Variants in MDM4 observed in about 807,000 individuals in gnomAD.
MDM4 encodes MDM4 regulator of p53, also known as protein Mdm4.
Under a neutral mutation model 60.2 loss-of-function variants are expected in MDM4, and 2 were observed. The ratio of observed to expected loss-of-function variants is 0.03; its 90% CI spans 0.01 to 0.10. MDM4 has a LOEUF of 0.10. Ranked by LOEUF, MDM4 falls within the 10% of genes least tolerant of loss-of-function variation. The pLI is 1.00. For synonymous variants in MDM4, 202 were observed against 198.1 expected, an observed-to-expected ratio of 1.02 and a Z score of -0.17; for missense variants, 447 against 577.5, an observed-to-expected ratio of 0.77 and a Z score of 2.32.
intron 1 of MDM4, among the ~76,000 whole-genome samples, chr1:204,518,531 G>C (rs1659224429): frequency 6.6e-6 from 1 of 152,172 alleles, no homozygotes; most frequent in Non-Finnish European, 1.5e-5. Context: ...CTTTTGGTCA[G>C]GAATACTTAA....
In MDM4 at chr1:204,554,271, T is replaced by A. The variant is rs573568902; in HGVS notation, c.*4589T>A. ...TTTGAGTTTTTTCCCCTCAGAATTA[T>A]GTGAATTTCTGATATATGGCTTTAG... On this transcript the variant is annotated 3_prime_UTR_variant, in exon 11 of 11. Transcript: ENST00000367182. The A allele has an allele frequency of 4.4e-6, 1 of 225,382 alleles. No individual in the cohort carries two copies. Among genetic ancestry groups the A allele is most frequent in the Middle Eastern group, 1.4e-3 (1 of 724 alleles). The allele number at this position is 225,382 out of a possible 1,614,324, so 14.0% of individuals were successfully genotyped here.
intron 9 of MDM4, 23 bp downstream of exon 9, chr1:204,544,707 GTTGA>G (rs1484859972): frequency 6.3e-7 from 1 of 1,598,556 alleles, no homozygotes; most frequent in Non-Finnish European, 8.6e-7. Context: ...AAAATTCCAT[GTTGA>G]TTCTGTTTGT....
At chr1:204,530,193 A>G (rs1327298339) in intron 3 of MDM4, among the ~76,000 whole-genome samples, 1 of 152,146 alleles carries the variant, frequency 6.6e-6, no homozygotes, top group Non-Finnish European at 1.5e-5. Flanking sequence ...TATTTGATAA[A>G]CACTTGGATT....
In MDM4 at chr1:204,538,414, T is replaced by C. The variant is rs527949029; in HGVS notation, c.511+106T>C. ...AGTAGGAGAGGGATATGTCACAATT[T>C]CTCATCCTTTTCTGAAAACCTTTTT... On this transcript the variant is annotated intron_variant, in intron 7 of 10. Coordinates refer to ENST00000367182, the MANE Select transcript of MDM4 (RefSeq NM_002393.5). 4 of 674,866 alleles carry C rather than the reference T, an allele frequency of 5.9e-6. No homozygotes were observed. The South Asian group carries it at 7.2e-5, about 12-fold the overall frequency. The allele number at this position is 674,866 out of a possible 1,614,324, so 41.8% of individuals were successfully genotyped here. A position where few individuals can be genotyped will look rare whatever the true frequency, so the allele number is the denominator to read the frequency against.
At position 204,548,185 on chromosome 1, in the gene MDM4, T is replaced by C. The variant is rs376723842; in HGVS notation, c.904-928T>C. On this transcript the variant is annotated intron_variant, in intron 10 of 10. Transcript: ENST00000367182. Reference sequence around the variant, plus strand: ...ATGCCAATTAAACTGTGGCACACCATCACTCATGAATTCCAAATCTTTATG... The same window carrying C: ...ATGCCAATTAAACTGTGGCACACCACCACTCATGAATTCCAAATCTTTATG... 1.9e-4 allele frequency among the ~76,000 whole-genome samples: 29 copies of C among 152,380 alleles called. No individual in the cohort carries two copies. In the East Asian group the frequency reaches 4.4e-3, roughly 23 times the overall value.
Position 204,556,934 on chromosome 1 carries a change from C to T in MDM4, c.*7252C>T. ...ACTTTCTTTAGTCTCTAGCTATGCACTATTAAGTGCCTCTTGGGTAGAGGT... is the reference window on the plus strand; with the variant it reads ...ACTTTCTTTAGTCTCTAGCTATGCATTATTAAGTGCCTCTTGGGTAGAGGT... On this transcript the variant is annotated 3_prime_UTR_variant, in exon 11 of 11. Coordinates refer to ENST00000367182, the MANE Select transcript of MDM4 (RefSeq NM_002393.5). 4.8e-6 allele frequency: 1 copy of T among 208,518 alleles called. No individual in the cohort carries two copies. The highest frequency in any genetic ancestry group is 9.8e-6 in the Non-Finnish European group (1 of 102,420). The allele number at this position is 208,518 out of a possible 1,614,324, so 12.9% of individuals were successfully genotyped here.
At chr1:204,535,838 G>A (rs1317460616) in intron 5 of MDM4, among the ~76,000 whole-genome samples, 1 of 152,062 alleles carries the variant, frequency 6.6e-6, no homozygotes, top group African/African-American at 2.4e-5. Flanking sequence ...ACCACACCCG[G>A]CTAATTTTAA....
chr1:204,530,963 G>A, intron 4 of MDM4, 146 bp downstream of exon 4: 1 of 997,588 alleles, frequency 1.0e-6, no homozygotes, highest in Non-Finnish European at 1.5e-6. Context: ...TGAGAATATG[G>A]TAATGAGCGA....
intron 5 of MDM4, among the ~76,000 whole-genome samples, chr1:204,533,213 G>A (rs1014756587): frequency 6.6e-6 from 1 of 152,136 alleles, no homozygotes; most frequent in African/African-American, 2.4e-5. Flanking sequence ...CCAAAATGGT[G>A]GTCTGTAAGA....
chr1:204,532,139 T>A (rs1016310642), intron 4 of MDM4, 52 bp from the exon 5 acceptor site: 1 of 1,072,486 alleles, frequency 9.3e-7, no homozygotes, highest in Non-Finnish European at 1.4e-6. Context: ...ACCACTGATA[T>A]CTTCATAGTG....
At chr1:204,521,795 T>C (rs1417659716) in intron 1 of MDM4, among the ~76,000 whole-genome samples, 1 of 152,168 alleles carries the variant, frequency 6.6e-6, no homozygotes, top group Non-Finnish European at 1.5e-5. Context: ...ATTTAGACAC[T>C]GGAAATGTAT....
At chr1:204,521,809 T>A (rs568995142) in intron 1 of MDM4, among the ~76,000 whole-genome samples, 166 of 152,314 alleles carry the variant, frequency 1.1e-3, no homozygotes, top group South Asian at 2.1e-3. Flanking sequence ...AATGTATAAA[T>A]AGACAGTTAC....
Position 204,557,065 on chromosome 1 carries a change from A to G in MDM4, c.*7383A>G. ...CCTTTTCTACCTCATCATTTGTTGT[A>G]GGGATTAAATCCGGGAGAGCAATTC... On this transcript the variant is annotated 3_prime_UTR_variant, in exon 11 of 11. Coordinates refer to ENST00000367182, the MANE Select transcript of MDM4 (RefSeq NM_002393.5). 5.0e-6 allele frequency: 1 copy of G among 200,738 alleles called. No homozygotes were observed. Among genetic ancestry groups the G allele is most frequent in the Non-Finnish European group, 1.0e-5 (1 of 97,288 alleles). 12.4% of individuals were successfully genotyped at this position (200,738 alleles called of 1,614,324 possible).
intron 3 of MDM4, among the ~76,000 whole-genome samples, chr1:204,526,835 A>G (rs1660231584): frequency 6.6e-6 from 1 of 152,196 alleles, no homozygotes; most frequent in African/African-American, 2.4e-5. Context: ...GGCCTAAGAA[A>G]GGAAGTTCTA....
At chr1:204,535,157 C>CT (rs869147485) in intron 5 of MDM4, among the ~76,000 whole-genome samples, 2,394 of 130,092 alleles carry the variant, frequency 0.018, 31 homozygotes, top group East Asian at 0.057. Context: ...AATGGTAGTT[C>CT]TTTTTTTTTT....
intron 9 of MDM4, 121 bp downstream of exon 9, chr1:204,544,805 T>A: frequency 1.1e-6 from 1 of 925,456 alleles, no homozygotes; most frequent in Non-Finnish European, 1.5e-6. Context: ...TAACTTTAAT[T>A]AATTTTTCAA....
At chr1:204,532,361 G>A in intron 5 of MDM4, 115 bp downstream of exon 5, 1 of 717,782 alleles carries the variant, frequency 1.4e-6, no homozygotes, top group Non-Finnish European at 2.5e-6. Flanking sequence ...GGCATGACTG[G>A]GAGAAATACA....
In MDM4 at chr1:204,553,998, T is replaced by C. The variant is rs979193266; in HGVS notation, c.*4316T>C. On this transcript the variant is annotated 3_prime_UTR_variant, in exon 11 of 11. Transcript: ENST00000367182. ...GCCAAGCATTTGAAATATGCAGTTGTGTTTTAATTATAATTTATGTATAGT... is the reference window on the plus strand; with the variant it reads ...GCCAAGCATTTGAAATATGCAGTTGCGTTTTAATTATAATTTATGTATAGT... 1 of 224,990 alleles carries C rather than the reference T, an allele frequency of 4.4e-6. No individual in the cohort carries two copies. The highest frequency in any genetic ancestry group is 2.2e-5 in the African/African-American group (1 of 44,924). The allele number at this position is 224,990 out of a possible 1,614,324, so 13.9% of individuals were successfully genotyped here. A position where few individuals can be genotyped will look rare whatever the true frequency, so the allele number is the denominator to read the frequency against.
chr1:204,532,935 C>A, intron 5 of MDM4: 3 of 1,124,412 alleles, frequency 2.7e-6, no homozygotes, highest in Admixed American at 5.0e-5. Context: ...ATAGGTAATG[C>A]TTTGTACTTC....
Sources: allele counts gnomAD v4.1 joint callset (sites outside exome capture counted in the v4.1 genomes callset), GRCh38; gene constraint gnomAD v4.1.1; transcripts MANE v1.5; gene names NCBI Gene and HGNC (gene_info 2026-07-23, HGNC 2026-07-21).